The following TMEM266 variants were observed in gnomAD, a reference collection of about 807,000 sequenced individuals.
TMEM266 encodes transmembrane protein 266.
TMEM266 carries 33 observed loss-of-function variants against 50.5 expected under a neutral mutation model. The observed-to-expected ratio is 0.65, with a 90% CI of 0.50 to 0.87. The LOEUF (loss-of-function observed/expected upper bound fraction) is 0.87. TMEM266 is among the 40% of genes least tolerant of loss of function. The pLI, the probability that TMEM266 is intolerant of heterozygous loss-of-function variation, is 0.00. For missense variants in TMEM266, 655 were observed against 695.1 expected (o/e 0.94, Z 0.65); for synonymous variants, 310 against 292.3 (o/e 1.06, Z -0.62).
At position 76,083,946 on chromosome 15, in the gene TMEM266, T is replaced by C. The variant is rs73451187; in HGVS notation, c.-97+23930T>C. On this transcript the variant is annotated intron_variant, in intron 1 of 10. Transcript: ENST00000388942. ...AGTATTAGGATGGGGTCAGGCTCTG[T>C]ATGTTATTGGAGCACACATTGTAGC... Among the ~76,000 whole-genome samples the C allele has an allele frequency of 8.7e-3, 1,325 of 152,288 alleles. 16 individuals carry two copies. The highest frequency in any genetic ancestry group is 0.03 in the African/African-American group (1,243 of 41,552).
At chr15:76,165,960 A>G (rs745443394) in intron 5 of TMEM266, among the ~76,000 whole-genome samples, 1 of 152,096 alleles carries the variant, frequency 6.6e-6, no homozygotes, top group African/African-American at 2.4e-5. Context: ...TTTAAAAAGC[A>G]TATTCCGGGG....
At chr15:76,154,340 G>T (rs570368218) in intron 3 of TMEM266, among the ~76,000 whole-genome samples, 2 of 152,254 alleles carry the variant, frequency 1.3e-5, no homozygotes, top group East Asian at 1.9e-4. Context: ...TCAGTCTGGG[G>T]TTTCCTCTGT....
At chr15:76,122,814 G>C (rs949234509) in intron 1 of TMEM266, among the ~76,000 whole-genome samples, 1 of 152,184 alleles carries the variant, frequency 6.6e-6, no homozygotes, top group Admixed American at 6.5e-5. Context: ...AGCTAGGGGC[G>C]AGGAGCAAGT....
intron 10 of TMEM266, among the ~76,000 whole-genome samples, chr15:76,202,989 A>G (rs1039381264): frequency 3.2e-4 from 49 of 152,046 alleles, no homozygotes; most frequent in Non-Finnish European, 6.2e-4. Context: ...GCTGGTTTCA[A>G]AGACCACCGT....
intron 1 of TMEM266, among the ~76,000 whole-genome samples, chr15:76,093,449 C>G (rs888271637): frequency 6.6e-6 from 1 of 151,954 alleles, no homozygotes; most frequent in African/African-American, 2.4e-5. Context: ...TCATCCATGT[C>G]CCTGCAAAGG....
chr15:76,106,046 C>G (rs542629925), intron 1 of TMEM266, among the ~76,000 whole-genome samples: 1 of 152,292 alleles, frequency 6.6e-6, no homozygotes, highest in East Asian at 1.9e-4. Flanking sequence ...CCTCCAGATT[C>G]CCAGATGCAC....
intron 1 of TMEM266, among the ~76,000 whole-genome samples, chr15:76,073,323 C>T (rs900494890): frequency 6.6e-6 from 1 of 151,806 alleles, no homozygotes; most frequent in African/African-American, 2.4e-5. Context: ...ACCTCTGCCT[C>T]CCAGGTCCAA....
chr15:76,188,087 C>T (rs993585934), intron 8 of TMEM266, among the ~76,000 whole-genome samples: 3 of 151,974 alleles, frequency 2.0e-5, no homozygotes, highest in African/African-American at 7.3e-5. Flanking sequence ...CCTTCCCCCC[C>T]CACCCCGCCC....
intron 3 of TMEM266, among the ~76,000 whole-genome samples, chr15:76,144,368 C>G (rs1376086552): frequency 6.6e-6 from 1 of 152,116 alleles, no homozygotes; most frequent in Non-Finnish European, 1.5e-5. Context: ...CCGTAGTCAC[C>G]CTGGAGTCTG....
At chr15:76,093,764 T>C (rs2036886708) in intron 1 of TMEM266, among the ~76,000 whole-genome samples, 1 of 152,106 alleles carries the variant, frequency 6.6e-6, no homozygotes, top group African/African-American at 2.4e-5. Context: ...CTCCACATCC[T>C]CTCCAGCATC....
intron 3 of TMEM266, among the ~76,000 whole-genome samples, chr15:76,155,328 T>A (rs910077427): frequency 1.3e-5 from 2 of 152,260 alleles, no homozygotes; most frequent in East Asian, 3.9e-4. Context: ...ATCTCTGTAT[T>A]CCCCAGGCCC....
At chr15:76,070,434 C>G (rs2036522150) in intron 1 of TMEM266, among the ~76,000 whole-genome samples, 1 of 152,170 alleles carries the variant, frequency 6.6e-6, no homozygotes, top group South Asian at 2.1e-4. Flanking sequence ...TTTCTGGCCT[C>G]TAGAATAGAG....
intron 3 of TMEM266, among the ~76,000 whole-genome samples, chr15:76,147,072 C>G (rs1391583701): frequency 2.0e-5 from 3 of 152,146 alleles, no homozygotes; most frequent in Admixed American, 1.3e-4. Flanking sequence ...AAGCCCAGTT[C>G]TGTTTGGAGT....
Position 76,160,508 on chromosome 15 carries a change from G to A in TMEM266, c.456+340G>A, listed in dbSNP as rs1026834621. 4.6e-5 allele frequency among the ~76,000 whole-genome samples: 7 copies of A among 152,200 alleles called. No individual in the cohort carries two copies. Among genetic ancestry groups the A allele is most frequent in the Admixed American group, 1.3e-4 (2 of 15,286 alleles). On this transcript the variant is annotated intron_variant, in intron 5 of 10. Transcript: ENST00000388942. The surrounding 1 kb of genome is among the most constrained non-coding windows in gnomAD (Gnocchi z 5.7). ...GTGTTGGGTGCAGCCAGTAAGGAGCGGGCGGGAGGTGAGGCTGAAGCCAGG... is the reference window on the plus strand; with the variant it reads ...GTGTTGGGTGCAGCCAGTAAGGAGCAGGCGGGAGGTGAGGCTGAAGCCAGG...
At chr15:76,169,698 G>GGCGGA (rs2038157456) in intron 5 of TMEM266, 118 bp from the exon 6 acceptor site, 2 of 1,147,024 alleles carry the variant, frequency 1.7e-6, no homozygotes, top group African/African-American at 3.1e-5. Context: ...CTTAGTGGAT[G>GGCGGA]GCGGAGACCT....
chr15:76,116,501 C>T (rs2037249039), intron 1 of TMEM266, among the ~76,000 whole-genome samples: 1 of 152,030 alleles, frequency 6.6e-6, no homozygotes, highest in South Asian at 2.1e-4. Context: ...TCCTCCTCTT[C>T]ACTCCCCTCC....
chr15:76,079,489 C>T (rs2036652732), intron 1 of TMEM266, among the ~76,000 whole-genome samples: 1 of 146,390 alleles, frequency 6.8e-6, no homozygotes. Flanking sequence ...GATACTATTT[C>T]TAAACAAGAT....
At chr15:76,126,668 A>T (rs1240106638) in intron 1 of TMEM266, among the ~76,000 whole-genome samples, 1 of 151,390 alleles carries the variant, frequency 6.6e-6, no homozygotes, top group Non-Finnish European at 1.5e-5. Context: ...AGTAGCTGGG[A>T]TTACAGGCGC....
At chr15:76,196,157 A>C (rs2038653082) in intron 9 of TMEM266, among the ~76,000 whole-genome samples, 1 of 152,182 alleles carries the variant, frequency 6.6e-6, no homozygotes, top group Non-Finnish European at 1.5e-5. Flanking sequence ...GGGCAGGCCC[A>C]GGCCTCCCAT....
Sources: allele counts gnomAD v4.1 joint callset (sites outside exome capture counted in the v4.1 genomes callset), GRCh38; gene constraint gnomAD v4.1.1; non-coding constraint Gnocchi (gnomAD v3.1); transcripts MANE v1.5; gene names NCBI Gene and HGNC (gene_info 2026-07-23, HGNC 2026-07-21).